NTRK3: variants seen among roughly 807,000 people sequenced by gnomAD.
NTRK3 encodes the protein NT-3 growth factor receptor.
Under a neutral mutation model 91.7 loss-of-function variants are expected in NTRK3, and 24 were observed. The observed-to-expected ratio is 0.26, with a 90% CI of 0.19 to 0.37. The LOEUF (loss-of-function observed/expected upper bound fraction) is 0.37. Ranked by LOEUF, NTRK3 falls within the 10% of genes least tolerant of loss-of-function variation. The pLI is 1.00. For synonymous variants in NTRK3, 483 were observed against 404.0 expected (o/e 1.20, Z -2.34); for missense variants, 880 against 1,068.9 (o/e 0.82, Z 2.46).
At chr15:88,024,435 G>A (rs576232887) in intron 14 of NTRK3, among the ~76,000 whole-genome samples, 2 of 152,290 alleles carry the variant, frequency 1.3e-5, no homozygotes, top group Admixed American at 1.3e-4. Flanking sequence ...TGGTACTTAA[G>A]AAGGGATCAG....
chr15:88,149,614 A>G (rs2043191817), intron 5 of NTRK3, among the ~76,000 whole-genome samples: 1 of 152,190 alleles, frequency 6.6e-6, no homozygotes, highest in Non-Finnish European at 1.5e-5. Flanking sequence ...ACCGATCAGA[A>G]AGGTGTGATA....
intron 14 of NTRK3, among the ~76,000 whole-genome samples, chr15:87,961,421 CCTT>C (rs2072279065): frequency 6.6e-6 from 1 of 152,202 alleles, no homozygotes; most frequent in South Asian, 2.1e-4. Context: ...TGGAGACACT[CCTT>C]CTAGGGAGAT....
intron 3 of NTRK3, among the ~76,000 whole-genome samples, chr15:88,195,027 G>A (rs2047698692): frequency 6.6e-6 from 1 of 152,184 alleles, no homozygotes; most frequent in African/African-American, 2.4e-5. Context: ...GCTCAAGTCA[G>A]GGGCGGACTG....
At chr15:87,975,493 G>A (rs1033110561) in intron 14 of NTRK3, among the ~76,000 whole-genome samples, 4 of 152,166 alleles carry the variant, frequency 2.6e-5, no homozygotes, top group African/African-American at 9.7e-5. Flanking sequence ...GGTGACATTC[G>A]AATGCAGGAG....
chr15:88,227,164 G>A (rs539719193), intron 3 of NTRK3, among the ~76,000 whole-genome samples: 1 of 152,142 alleles, frequency 6.6e-6, no homozygotes, highest in East Asian at 1.9e-4. Flanking sequence ...TCCATGCCCT[G>A]CATCCTCCCC....
intron 5 of NTRK3, among the ~76,000 whole-genome samples, chr15:88,157,602 C>G (rs753143422): frequency 6.6e-6 from 1 of 151,932 alleles, no homozygotes; most frequent in Non-Finnish European, 1.5e-5. Context: ...CAAACCTTCA[C>G]GTCTCTGCGC....
chr15:88,155,147 G>T (rs530538705), intron 5 of NTRK3, among the ~76,000 whole-genome samples: 1 of 152,216 alleles, frequency 6.6e-6, no homozygotes, highest in Admixed American at 6.5e-5. Flanking sequence ...AGGTGATTAA[G>T]CATATAGACC....
At chr15:87,871,098 T>C (rs1194136539) in exon 19 of NTRK3, 1 of 230,408 alleles carries the variant, frequency 4.3e-6, no homozygotes. Context: ...TGAGTTTTAT[T>C]TCTTTGATAA....
intron 18 of NTRK3, among the ~76,000 whole-genome samples, chr15:87,879,086 A>T (rs1427273961): frequency 6.6e-6 from 1 of 152,206 alleles, no homozygotes; most frequent in Non-Finnish European, 1.5e-5. Flanking sequence ...AAATGTGGTC[A>T]GGCCCCACTG....
Position 87,954,867 on chromosome 15 carries a change from G to A in NTRK3, c.1586-14114C>T, listed in dbSNP as rs182957694. Among the ~76,000 whole-genome samples the A allele has an allele frequency of 2.3e-3, 355 of 152,268 alleles. 5 individuals carry two copies. Among genetic ancestry groups the A allele is most frequent in the Admixed American group, 0.018 (275 of 15,284 alleles). The stretch of plus-strand genomic sequence containing the variant: ...CCATAAATTCCCTGACAGCCACAGC[G>A]TCTGTCTTTTTTAGTAAGTCCTTTC... On this transcript the variant is annotated intron_variant, in intron 14 of 18. Transcript: ENST00000394480.
At chr15:88,068,826 C>A (rs886184669) in intron 13 of NTRK3, among the ~76,000 whole-genome samples, 4 of 151,904 alleles carry the variant, frequency 2.6e-5, no homozygotes, top group Non-Finnish European at 5.9e-5. Context: ...CATTTACTGG[C>A]TAACAATGGG....
intron 14 of NTRK3, among the ~76,000 whole-genome samples, chr15:87,974,370 T>C (rs2073531933): frequency 6.6e-6 from 1 of 152,190 alleles, no homozygotes; most frequent in Admixed American, 6.5e-5. Context: ...CAGGAGGTCT[T>C]TGAGGTGCGT....
At chr15:87,897,254 C>T (rs1596139764) in intron 17 of NTRK3, among the ~76,000 whole-genome samples, 2 of 152,208 alleles carry the variant, frequency 1.3e-5, no homozygotes, top group South Asian at 4.1e-4. Context: ...AGGGAAGCCC[C>T]AGGAACACAT....
intron 3 of NTRK3, among the ~76,000 whole-genome samples, chr15:88,216,981 C>CA (rs2049832044): frequency 1.3e-5 from 2 of 152,010 alleles, no homozygotes; most frequent in African/African-American, 4.8e-5. Context: ...AACAGAGCTT[C>CA]AAAAAAATGA....
chr15:88,011,942 C>T (rs1005040211), intron 14 of NTRK3, among the ~76,000 whole-genome samples: 13 of 152,174 alleles, frequency 8.5e-5, no homozygotes, highest in Non-Finnish European at 2.9e-5. Flanking sequence ...CCCTTACGTA[C>T]ATTACCTCAT....
At chr15:87,942,675 C>T (rs115403947) in intron 14 of NTRK3, among the ~76,000 whole-genome samples, 1,588 of 152,216 alleles carry the variant, frequency 0.01, 21 homozygotes, top group Middle Eastern at 0.031. Flanking sequence ...AGACCTGGAT[C>T]CTCCAAGAGC....
chr15:88,215,626 A>C (rs1340654480), intron 3 of NTRK3, among the ~76,000 whole-genome samples: 1 of 152,194 alleles, frequency 6.6e-6, no homozygotes, highest in Non-Finnish European at 1.5e-5. Context: ...CCAGAAATAG[A>C]GGGTCTAATG....
chr15:88,211,202 T>A (rs534724338), intron 3 of NTRK3, among the ~76,000 whole-genome samples: 156 of 152,298 alleles, frequency 1.0e-3, no homozygotes, highest in South Asian at 5.0e-3. Flanking sequence ...CTTTCCCCAG[T>A]CCCTGGCAAC....
At chr15:88,189,316 T>C (rs2047199114) in intron 3 of NTRK3, among the ~76,000 whole-genome samples, 1 of 152,246 alleles carries the variant, frequency 6.6e-6, no homozygotes, top group Non-Finnish European at 1.5e-5. Context: ...AGCTGCTTCA[T>C]AGCCATTTTT....
Sources: gnomAD v4.1 joint callset for allele counts (sites outside exome capture counted in the v4.1 genomes callset) on GRCh38, gnomAD v4.1.1 for gene constraint, MANE v1.5 for transcripts, NCBI Gene and HGNC (gene_info 2026-07-23, HGNC 2026-07-21) for gene names.